Variants in MZT2B observed in about 807,000 individuals in gnomAD.
MZT2B encodes mitotic spindle organizing protein 2B.
Under a neutral mutation model 12.1 loss-of-function variants are expected in MZT2B, and 11 were observed. The observed-to-expected ratio is 0.91, with a 90% CI of 0.57 to 1.50. The LOEUF (loss-of-function observed/expected upper bound fraction) is 1.50, where lower values mean the gene tolerates loss of function less well. Among genes scored for constraint, MZT2B ranks in the 40% most tolerant of loss-of-function variants. MZT2B has a pLI of 0.00. For missense variants in MZT2B, 209 were observed against 227.7 expected, an observed-to-expected ratio of 0.92 and a Z score of 0.53; for synonymous variants, 85 against 109.5, an observed-to-expected ratio of 0.78 and a Z score of 1.40.
downstream of MZT2B, chr2:130,190,752 T>TG: frequency 2.1e-6 from 3 of 1,396,308 alleles, no homozygotes; most frequent in Non-Finnish European, 2.8e-6. Context: ...TTTTTTTTTT[T>TG]TGTTTTTTTT....
At chr2:130,191,878 C>G, downstream of MZT2B, 1 of 1,614,086 alleles carries the variant, frequency 6.2e-7, no homozygotes, top group Non-Finnish European at 8.5e-7. Context: ...GAATCCACGC[C>G]CACCTCTTCA....
the MZT2B span, among the ~76,000 whole-genome samples, chr2:130,198,008 G>C: frequency 0.024 from 2,986 of 122,984 alleles, 728 homozygotes; most frequent in African/African-American, 0.08. Flanking sequence ...GTCACCGAAG[G>C]CTCCTGCAGC....
At chr2:130,191,830 C>T (rs1445231768), downstream of MZT2B, 23 of 1,595,350 alleles carry the variant, frequency 1.4e-5, no homozygotes, top group Admixed American at 3.8e-4. Flanking sequence ...ACACCCTCCC[C>T]TCAGTATGCT....
At chr2:130,193,406 C>T (rs1220302618), downstream of MZT2B, among the ~76,000 whole-genome samples, 1 of 151,578 alleles carries the variant, frequency 6.6e-6, no homozygotes, top group Non-Finnish European at 1.5e-5. Context: ...GTCAGGAGTT[C>T]AAGACCAACC....
chr2:130,199,799 G>A, the MZT2B span, among the ~76,000 whole-genome samples: 6 of 58,452 alleles, frequency 1.0e-4, 1 homozygote, highest in Admixed American at 2.3e-4. Context: ...TTAAAATAAC[G>A]TAAGCTATTT....
the MZT2B span, among the ~76,000 whole-genome samples, chr2:130,203,351 G>A: frequency 6.6e-6 from 1 of 152,212 alleles, no homozygotes; most frequent in Non-Finnish European, 1.5e-5. Context: ...AGAGGCCTGG[G>A]GAGGCCTTTC....
At chr2:130,198,618 A>G in the MZT2B span, among the ~76,000 whole-genome samples, 1 of 123,452 alleles carries the variant, frequency 8.1e-6, no homozygotes, top group South Asian at 2.7e-4. Context: ...CGGGGTCATC[A>G]AAGGCTGCGC....
At chr2:130,185,325 AC>A (rs1014044626) in intron 2 of MZT2B, among the ~76,000 whole-genome samples, 4 of 150,254 alleles carry the variant, frequency 2.7e-5, no homozygotes, top group African/African-American at 9.8e-5. Context: ...AAAAAAAAAA[AC>A]TAGCCAGGTG....
intron 2 of MZT2B, chr2:130,184,794 G>A: frequency 2.0e-6 from 2 of 985,434 alleles, no homozygotes; most frequent in South Asian, 9.4e-5. Flanking sequence ...CTGGGAGCCA[G>A]GCCTAGCTCT....
the MZT2B span, chr2:130,198,448 C>G: frequency 7.5e-7 from 1 of 1,326,066 alleles, no homozygotes; most frequent in Non-Finnish European, 1.0e-6. Flanking sequence ...ATGACCTGCC[C>G]ACGCGCGCCG....
In MZT2B at chr2:130,182,730, C is replaced by A; in HGVS notation, c.274C>A (p.Pro92Thr). 6.5e-7 allele frequency: 1 copy of A among 1,532,350 alleles called. No homozygotes were observed. Among genetic ancestry groups the A allele is most frequent in the Non-Finnish European group, 8.8e-7 (1 of 1,136,006 alleles). 94.9% of individuals were successfully genotyped at this position (1,532,350 alleles called of 1,614,324 possible). A position where few individuals can be genotyped will look rare whatever the true frequency, so the allele number is the denominator to read the frequency against. The change falls in exon 2 of 3, where the codon CCT becomes ACT. Residue 92 changes from proline (P) to threonine (T), a missense_variant. Transcript: ENST00000281871. ...GQRLASEPQD[P>T]AAVSLPTSSV... Reference sequence around the variant, plus strand: ...GAGGCTAGCGAGCGAGCCCCAGGACCCTGCGGCCGTGTCTCTGCCCACGTC... The same window carrying A: ...GAGGCTAGCGAGCGAGCCCCAGGACACTGCGGCCGTGTCTCTGCCCACGTC...
At chr2:130,183,664 G>C in intron 2 of MZT2B, 1 of 1,502,444 alleles carries the variant, frequency 6.7e-7, no homozygotes, top group Non-Finnish European at 9.1e-7. Context: ...TGCCTTCATG[G>C]GGGGAGTGCC....
the MZT2B span, among the ~76,000 whole-genome samples, chr2:130,199,105 G>A: frequency 1.3e-4 from 16 of 120,854 alleles, 4 homozygotes; most frequent in East Asian, 1.1e-3. Context: ...CCAGCTACAC[G>A]GGAGGCTGAG....
rs1390737843 is a variant in MZT2B at position 130,190,610 on chromosome 2, C to T, written c.461C>T (p.Thr154Ile). ...PKGGGPGKSP[T>I]RGST ...GGGGGCGGGCCTGGGAAGAGCCCTA[C>T]ACGGGGCAGCACCTAGGATGGGGCA... Residue 154 changes from threonine to isoleucine, a missense_variant, in exon 3 of 3, where the codon ACA becomes ATA. Physicochemically the swap from Thr to Ile is moderately conservative, Grantham distance 89 (BLOSUM62 -1). Transcript: ENST00000281871. The T allele has an allele frequency of 1.9e-6, 3 of 1,608,002 alleles. No homozygotes were observed. Among genetic ancestry groups the T allele is most frequent in the Middle Eastern group, 1.7e-4 (1 of 6,020 alleles).
the MZT2B span, chr2:130,196,255 T>C: frequency 6.2e-7 from 1 of 1,613,998 alleles, no homozygotes; most frequent in Non-Finnish European, 8.5e-7. Flanking sequence ...CACCAATGGT[T>C]TTATCACTTG....
At chr2:130,201,905 A>G in the MZT2B span, among the ~76,000 whole-genome samples, 1 of 152,218 alleles carries the variant, frequency 6.6e-6, no homozygotes, top group East Asian at 1.9e-4. Flanking sequence ...CGGGAAAAAT[A>G]TGGTATTATA....
downstream of MZT2B, among the ~76,000 whole-genome samples, chr2:130,194,877 C>T (rs1690365826): frequency 6.6e-6 from 1 of 152,132 alleles, no homozygotes; most frequent in Non-Finnish European, 1.5e-5. Context: ...AGAGTTTCAC[C>T]ATGTAGGCCA....
chr2:130,190,836 C>T (rs912475535), downstream of MZT2B: 5 of 1,140,922 alleles, frequency 4.4e-6, no homozygotes, highest in African/African-American at 6.4e-5. Flanking sequence ...AACCAGGTCC[C>T]TTCACCATGG....
downstream of MZT2B, chr2:130,195,024 C>T: frequency 1.9e-6 from 3 of 1,598,724 alleles, no homozygotes; most frequent in South Asian, 1.1e-5. Context: ...TTTCACATTC[C>T]AAGAACTACC....
Sources: allele counts gnomAD v4.1 joint callset (sites outside exome capture counted in the v4.1 genomes callset), GRCh38; gene constraint gnomAD v4.1.1; transcripts MANE v1.5; gene names NCBI Gene and HGNC (gene_info 2026-07-23, HGNC 2026-07-21).